VPS50: variants seen among roughly 807,000 people sequenced by gnomAD.
The protein encoded by VPS50 is syndetin.
A neutral mutation model predicts 139.7 loss-of-function variants in VPS50; 70 were observed. The ratio of observed to expected loss-of-function variants is 0.50; its 90% CI spans 0.41 to 0.61. The LOEUF is 0.61. Among genes scored for constraint, VPS50 ranks in the 20% least tolerant of loss-of-function variants. The pLI, the probability that VPS50 is intolerant of heterozygous loss-of-function variation, is 0.00. For missense variants in VPS50, 921 were observed against 1,133.7 expected (o/e 0.81, Z 2.69); for synonymous variants, 365 against 376.7 (o/e 0.97, Z 0.36).
rs567268625 is a variant in VPS50 at position 93,285,201 on chromosome 7, G to T, written c.943-6502G>T. Among the ~76,000 whole-genome samples the T allele has an allele frequency of 5.7e-4, 87 of 152,174 alleles. 2 individuals are homozygous for T. The South Asian group carries it at 0.017, about 30-fold the overall frequency. ...CCATCTATCACTGTGTGTGTGTTTT[G>T]GGGGGTGGAGGCACTGGGAATTTTG... On this transcript the variant is annotated intron_variant, in intron 12 of 27. Transcript: ENST00000305866.
chr7:93,353,774 T>G lies in VPS50; in HGVS notation c.2585+13T>G. 1 of 1,591,146 alleles carries G rather than the reference T, an allele frequency of 6.3e-7. No individual in the cohort carries two copies. Among genetic ancestry groups the G allele is most frequent in the Non-Finnish European group, 8.6e-7 (1 of 1,166,720 alleles). ...CTATTGTAGAAGGGTAAGTTTTTCA[T>G]GAAAGCATTATTTGTTTCTTTAATG... On this transcript the variant is annotated intron_variant, in intron 26 of 27. Coordinates refer to ENST00000305866, the MANE Select transcript of VPS50 (RefSeq NM_017667.4).
intron 1 of VPS50, among the ~76,000 whole-genome samples, chr7:93,238,778 G>T (rs1029938672): frequency 6.6e-6 from 1 of 152,176 alleles, no homozygotes; most frequent in African/African-American, 2.4e-5. Flanking sequence ...GATTTAGGAA[G>T]ACTTTGTAGA....
chr7:93,259,180 T>G (rs1427459638), intron 8 of VPS50, among the ~76,000 whole-genome samples: 2 of 151,978 alleles, frequency 1.3e-5, no homozygotes, highest in African/African-American at 4.8e-5. Context: ...ACAAATAGAA[T>G]GCATACTATT....
intron 18 of VPS50, among the ~76,000 whole-genome samples, chr7:93,307,786 G>A (rs193036605): frequency 6.6e-6 from 1 of 152,008 alleles, no homozygotes; most frequent in East Asian, 1.9e-4. Context: ...CTTGTTTGCA[G>A]TTATTAATGT....
At chr7:93,276,704 T>C (rs1250120599) in intron 12 of VPS50, among the ~76,000 whole-genome samples, 1 of 152,186 alleles carries the variant, frequency 6.6e-6, no homozygotes, top group Non-Finnish European at 1.5e-5. Context: ...CTGTAACTGG[T>C]TTTTTCTTTT....
intron 22 of VPS50, 97 bp from the exon 23 acceptor site, chr7:93,341,330 C>A: frequency 4.1e-6 from 3 of 737,482 alleles, no homozygotes; most frequent in East Asian, 2.9e-5. Flanking sequence ...ACGTGTGCCC[C>A]AAGAGTATTT....
intron 9 of VPS50, among the ~76,000 whole-genome samples, chr7:93,260,756 C>T (rs1374200315): frequency 6.6e-6 from 1 of 151,804 alleles, no homozygotes; most frequent in East Asian, 1.9e-4. Flanking sequence ...AGTGCAGTGG[C>T]GTGATCTTGG....
intron 1 of VPS50, among the ~76,000 whole-genome samples, chr7:93,235,996 A>G (rs1794788984): frequency 1.3e-5 from 2 of 152,222 alleles, no homozygotes; most frequent in Non-Finnish European, 2.9e-5. Context: ...GGAAAGCAGA[A>G]TGAGAACATG....
In VPS50 at chr7:93,294,573, A is replaced by T. The variant is rs199714930; in HGVS notation, c.1104A>T (p.Glu368Asp). The T allele has an allele frequency of 4.4e-6, 7 of 1,597,518 alleles. No individual in the cohort carries two copies. In the East Asian group the frequency reaches 1.6e-4, roughly 36 times the overall value. ...SEGSNMIGTE[E>D]TNFDRGYIKK... ...GGAGTAATATGATAGGTACTGAAGA[A>T]ACTAATTTTGATCGTGGCTACATAA... The change falls in exon 14 of 28, where the codon GAA (glutamate) becomes GAT (aspartate). Residue 368 changes from glutamate (E) to aspartate (D), a missense_variant. Glu to Asp is a conservative substitution (Grantham distance 45). Around this residue, in one of 3 missense-constraint regions of VPS50, gnomAD observed 744 missense variants for 930.6 expected, o/e 0.80. Coordinates refer to ENST00000305866, the MANE Select transcript of VPS50 (RefSeq NM_017667.4).
At chr7:93,291,584 T>C (rs1449764672) in intron 12 of VPS50, 119 bp from the exon 13 acceptor site, 2 of 550,762 alleles carry the variant, frequency 3.6e-6, no homozygotes, top group Non-Finnish European at 5.8e-6. Context: ...GATATGTCAG[T>C]TGAAGAAATT....
chr7:93,259,246 A>T (rs926142990), intron 8 of VPS50, among the ~76,000 whole-genome samples: 2 of 151,948 alleles, frequency 1.3e-5, no homozygotes, highest in African/African-American at 4.8e-5. Context: ...GTTAAAGAAA[A>T]CCTTTCCTGT....
chr7:93,315,975 G>T (rs570266224), intron 20 of VPS50, among the ~76,000 whole-genome samples: 261 of 152,090 alleles, frequency 1.7e-3, no homozygotes, highest in African/African-American at 6.0e-3. Context: ...AATTTACAGT[G>T]TGTTGTTATA....
rs562194904 is a variant in VPS50, at chr7:93,270,619, A to C, written c.660-601A>C. ...CAGGACTAGACCTGCTGGGAGGTAG[A>C]GTGTGTGTTGTTTCAGTAGATATTA... is the stretch of plus-strand genomic sequence containing the variant. On this transcript the variant is annotated intron_variant, in intron 9 of 27. Transcript: ENST00000305866. Among the ~76,000 whole-genome samples, 22 of 152,008 alleles carry C rather than the reference A, an allele frequency of 1.4e-4. No homozygotes were observed. The South Asian group carries it at 4.4e-3, about 30-fold the overall frequency.
At chr7:93,333,871 C>G in intron 21 of VPS50, 3 of 412,808 alleles carry the variant, frequency 7.3e-6, no homozygotes, top group Non-Finnish European at 1.3e-5. Context: ...GGAGAACTCT[C>G]TCCTGATAAT....
chr7:93,252,582 A>G lies in VPS50; in HGVS notation c.103-71A>G, dbSNP rs1054503768. Reference sequence around the variant, plus strand: ...GTAGATGTGACTGTTAAGACAAATGATCATTTATTTCCATGCAGATATAAT... The same window carrying G: ...GTAGATGTGACTGTTAAGACAAATGGTCATTTATTTCCATGCAGATATAAT... On this transcript the variant is annotated intron_variant, in intron 2 of 27. Transcript: ENST00000305866. 4.9e-6 allele frequency: 5 copies of G among 1,022,986 alleles called. No homozygotes were observed. The African/African-American group carries it at 6.6e-5, about 13-fold the overall frequency. 63.4% of individuals were successfully genotyped at this position (1,022,986 alleles called of 1,614,324 possible). A position where few individuals can be genotyped will look rare whatever the true frequency, so the allele number is the denominator to read the frequency against.
chr7:93,287,558 C>A, intron 12 of VPS50, among the ~76,000 whole-genome samples: 1 of 151,540 alleles, frequency 6.6e-6, no homozygotes, highest in Non-Finnish European at 1.5e-5. Flanking sequence ...AATTATAACA[C>A]AATTATTTGT....
At chr7:93,282,223 A>C (rs899233847) in intron 12 of VPS50, among the ~76,000 whole-genome samples, 1 of 151,952 alleles carries the variant, frequency 6.6e-6, no homozygotes, top group Non-Finnish European at 1.5e-5. Flanking sequence ...AAAACAAAAA[A>C]CAATTTTTCT....
chr7:93,235,553 C>T (rs1047327770), intron 1 of VPS50, among the ~76,000 whole-genome samples: 8 of 152,062 alleles, frequency 5.3e-5, no homozygotes, highest in African/African-American at 1.7e-4. Context: ...AGAGGTCAGA[C>T]TGTGAATATG....
At chr7:93,298,746 A>C (rs1465107178) in intron 16 of VPS50, among the ~76,000 whole-genome samples, 2 of 152,242 alleles carry the variant, frequency 1.3e-5, no homozygotes, top group Non-Finnish European at 2.9e-5. Context: ...TGAATGACTT[A>C]AATCTTCCTC....
Sources: allele counts gnomAD v4.1 joint callset (sites outside exome capture counted in the v4.1 genomes callset), GRCh38; gene constraint gnomAD v4.1.1; regional missense constraint gnomAD v4.1.1; transcripts MANE v1.5; gene names NCBI Gene and HGNC (gene_info 2026-07-23, HGNC 2026-07-21).